Variants in ERFE observed in about 807,000 individuals in gnomAD.
The protein encoded by ERFE is complement C1q tumor necrosis factor-related protein 15.
A neutral mutation model predicts 26.6 loss-of-function variants in ERFE; 25 were observed. The observed-to-expected ratio is 0.94, with a 90% CI of 0.69 to 1.31. ERFE has a LOEUF of 1.31. Among genes scored for constraint, ERFE ranks in the 40% most tolerant of loss-of-function variants. The pLI is 0.00. For synonymous variants in ERFE, 206 were observed against 204.5 expected (o/e 1.01, Z -0.06); for missense variants, 447 against 440.2 (o/e 1.02, Z -0.14).
intron 6 of ERFE, among the ~76,000 whole-genome samples, chr2:238,165,324 C>A (rs895312647): frequency 1.3e-5 from 2 of 152,260 alleles, no homozygotes; most frequent in African/African-American, 4.8e-5. Flanking sequence ...CACATCCCCA[C>A]TTCCGGCTGC....
Position 238,167,299 on chromosome 2 carries a change from AAG to A in ERFE, c.*248_*249del. 1 of 691,756 alleles carries A rather than the reference AAG, an allele frequency of 1.4e-6. No homozygotes were observed. The highest frequency in any genetic ancestry group is 2.6e-6 in the Non-Finnish European group (1 of 378,596). The allele number at this position is 691,756 out of a possible 1,614,324, so 42.9% of individuals were successfully genotyped here. A position where few individuals can be genotyped will look rare whatever the true frequency, so the allele number is the denominator to read the frequency against. ...ATCTTGGGCTCTTATCCAGGAAAGAAAGAGTCGGCGTGCCTGGGGGCACCTGC... is the reference window on the plus strand; with the variant it reads ...ATCTTGGGCTCTTATCCAGGAAAGAAAGTCGGCGTGCCTGGGGGCACCTGC... On this transcript the variant is annotated 3_prime_UTR_variant, in exon 8 of 8. Coordinates refer to ENST00000546354, the MANE Select transcript of ERFE (RefSeq NM_001291832.2).
Position 238,164,275 on chromosome 2 carries a change from G to T in ERFE, c.802G>T (p.Gly268Trp), listed in dbSNP as rs139530631. The T allele has an allele frequency of 6.7e-7, 1 of 1,503,178 alleles. No individual in the cohort carries two copies. 93.1% of individuals were successfully genotyped at this position (1,503,178 alleles called of 1,614,324 possible). The stretch of plus-strand genomic sequence containing the variant: ...CGTCCCACCCTCCCCCGCAGCGCTC[G>T]GGGAGCCGCCGAGGAGGGGGCCGCC... ...ALAATLHVAL[G>W]EPPRRGPPRP... Residue 268 changes from glycine to tryptophan, a missense_variant, in exon 6 of 8, where the codon GGG (glycine) becomes TGG (tryptophan). Transcript: ENST00000546354.
chr2:238,162,059 G>C (rs1692946934), intron 2 of ERFE, among the ~76,000 whole-genome samples: 1 of 152,236 alleles, frequency 6.6e-6, no homozygotes, highest in African/African-American at 2.4e-5. Context: ...GGGGCACAGG[G>C]TCCCTCTCAC....
intron 3 of ERFE, among the ~76,000 whole-genome samples, chr2:238,163,261 C>T (rs905923222): frequency 3.3e-5 from 5 of 152,238 alleles, no homozygotes; most frequent in Non-Finnish European, 7.3e-5. Flanking sequence ...GGCAGCCTGC[C>T]CTGGAGGAGG....
At chr2:238,166,549 GT>G (rs1310140801) in intron 7 of ERFE, among the ~76,000 whole-genome samples, 9 of 152,242 alleles carry the variant, frequency 5.9e-5, no homozygotes, top group Non-Finnish European at 1.3e-4. Flanking sequence ...GCATGACCAC[GT>G]TTGGAGCAGC....
chr2:238,164,711 G>A (rs966185279), intron 6 of ERFE: 5 of 267,522 alleles, frequency 1.9e-5, no homozygotes, highest in East Asian at 1.3e-4. Flanking sequence ...AAAATTACCC[G>A]GGCGTGGTGG....
chr2:238,165,998 G>A (rs1693029660), intron 7 of ERFE, among the ~76,000 whole-genome samples: 1 of 152,196 alleles, frequency 6.6e-6, no homozygotes. Context: ...CAGTACTCCT[G>A]GCCACCACAA....
chr2:238,163,702 T>C (rs563107389), intron 3 of ERFE, 35 bp from the exon 4 acceptor site: 2 of 1,274,098 alleles, frequency 1.6e-6, no homozygotes, highest in Admixed American at 4.3e-5. Context: ...GGGTGAGGGG[T>C]CCCTGGCGCG....
At chr2:238,163,137 G>A (rs184527698) in intron 3 of ERFE, among the ~76,000 whole-genome samples, 69 of 152,322 alleles carry the variant, frequency 4.5e-4, no homozygotes, top group Admixed American at 1.8e-3. Flanking sequence ...AGGGACCAGC[G>A]CCTATGCCCT....
chr2:238,168,155 T>C lies in ERFE; in HGVS notation c.*1101T>C, dbSNP rs1693077696. 1 of 291,242 alleles carries C rather than the reference T, an allele frequency of 3.4e-6. No homozygotes were observed. The highest frequency in any genetic ancestry group is 3.1e-5 in the South Asian group (1 of 32,446). 18.0% of individuals were successfully genotyped at this position (291,242 alleles called of 1,614,324 possible). The stretch of plus-strand genomic sequence containing the variant: ...GCTGGTCCCAAGCCTGCTGTGCTCC[T>C]GTGGCAGTGATGGGGCCTGGGGATG... On this transcript the variant is annotated 3_prime_UTR_variant, in exon 8 of 8. Coordinates refer to ENST00000546354, the MANE Select transcript of ERFE (RefSeq NM_001291832.2).
intron 3 of ERFE, 50 bp from the exon 4 acceptor site, chr2:238,163,687 C>T: frequency 7.9e-6 from 10 of 1,263,732 alleles, no homozygotes; most frequent in Non-Finnish European, 9.9e-6. Context: ...ACCCACGCGG[C>T]GGGCGGGTGA....
intron 7 of ERFE, 24 bp downstream of exon 7, chr2:238,165,708 CGAG>C (rs1292182409): frequency 3.9e-6 from 6 of 1,541,714 alleles, no homozygotes; most frequent in Non-Finnish European, 5.3e-6. Flanking sequence ...GCTTGGGCAT[CGAG>C]GGGCACCGCC....
In ERFE at chr2:238,167,689, G is replaced by A. The variant is rs1693067303; in HGVS notation, c.*635G>A. ...GAGGGGCACTGGACAAGGGCCTTTG[G>A]GGGACAGTAAGTCTGGGCCCAGCTT... On this transcript the variant is annotated 3_prime_UTR_variant, in exon 8 of 8. Coordinates refer to ENST00000546354, the MANE Select transcript of ERFE (RefSeq NM_001291832.2). The A allele has an allele frequency of 5.8e-6, 2 of 344,906 alleles. No individual in the cohort carries two copies. The highest frequency in any genetic ancestry group is 4.5e-5 in the South Asian group (2 of 44,922). The allele number at this position is 344,906 out of a possible 1,614,324, so 21.4% of individuals were successfully genotyped here.
At chr2:238,165,043 G>A (rs1693013087) in intron 6 of ERFE, among the ~76,000 whole-genome samples, 2 of 152,156 alleles carry the variant, frequency 1.3e-5, no homozygotes, top group East Asian at 3.9e-4. Flanking sequence ...CTTTCTGGAG[G>A]CCCCCTCCTC....
At chr2:238,165,222 A>C (rs1693015795) in intron 6 of ERFE, among the ~76,000 whole-genome samples, 3 of 152,238 alleles carry the variant, frequency 2.0e-5, no homozygotes, top group Non-Finnish European at 4.4e-5. Flanking sequence ...GCTGGAGCAG[A>C]CTTGAATGAA....
At chr2:238,164,042 G>A (rs568743268) in intron 4 of ERFE, 33 bp from the exon 5 acceptor site, 7 of 1,380,582 alleles carry the variant, frequency 5.1e-6, no homozygotes, top group Non-Finnish European at 5.6e-6. Flanking sequence ...CCGGCCGGGC[G>A]GGAGCCGGGG....
chr2:238,168,525 C>A lies in ERFE; in HGVS notation c.*1471C>A. 2 of 453,740 alleles carry A rather than the reference C, an allele frequency of 4.4e-6. No homozygotes were observed. The highest frequency in any genetic ancestry group is 9.2e-6 in the Non-Finnish European group (2 of 218,140). The allele number at this position is 453,740 out of a possible 1,614,324, so 28.1% of individuals were successfully genotyped here. On this transcript the variant is annotated 3_prime_UTR_variant, in exon 8 of 8. Coordinates refer to ENST00000546354, the MANE Select transcript of ERFE (RefSeq NM_001291832.2). ...GTGGCTGCCACCAGGCCCGAATGAT[C>A]CCCAGGAGCCCAGCTTCCAAACCCC... is the stretch of plus-strand genomic sequence containing the variant.
intron 7 of ERFE, among the ~76,000 whole-genome samples, chr2:238,166,734 G>T (rs553772024): frequency 1.9e-3 from 293 of 152,366 alleles, no homozygotes; most frequent in African/African-American, 6.7e-3. Flanking sequence ...TCCCACACAC[G>T]CGAACTGTAG....
intron 2 of ERFE, among the ~76,000 whole-genome samples, chr2:238,162,524 C>T (rs942970343): frequency 2.6e-5 from 4 of 152,370 alleles, no homozygotes; most frequent in African/African-American, 9.6e-5. Context: ...AGAGTCCTTC[C>T]CTGCCAAAGC....
Sources: gnomAD v4.1 joint callset for allele counts (sites outside exome capture counted in the v4.1 genomes callset) on GRCh38, gnomAD v4.1.1 for gene constraint, MANE v1.5 for transcripts, NCBI Gene and HGNC (gene_info 2026-07-23, HGNC 2026-07-21) for gene names.